The following ARID1B variants were observed in gnomAD, a reference collection of about 807,000 sequenced individuals.
ARID1B encodes AT-rich interactive domain-containing protein 1B.
In ARID1B, 30 loss-of-function variants were observed where a neutral mutation model predicts 212.3. That is an observed-to-expected ratio of 0.14 (90% CI 0.11 to 0.19). The LOEUF (loss-of-function observed/expected upper bound fraction) is 0.19. Among genes scored for constraint, ARID1B ranks in the 10% least tolerant of loss-of-function variants. The pLI, the probability that ARID1B is intolerant of heterozygous loss-of-function variation, is 1.00. For synonymous variants in ARID1B, 1,402 were observed against 1,301.7 expected (o/e 1.08, Z -1.66); for missense variants, 2,891 against 3,204.0 (o/e 0.90, Z 2.36).
At position 156,778,625 on chromosome 6, in the gene ARID1B, T is replaced by G; in HGVS notation, c.945T>G (p.Asn315Lys). Residue 315 changes from asparagine (N) to lysine (K), a missense_variant, in exon 1 of 20, where the codon AAT (asparagine) becomes AAG (lysine). Around this residue, in one of 7 missense-constraint regions of ARID1B, gnomAD observed 1,643 missense variants for 1,544.0 expected, o/e 1.06. Transcript: ENST00000636930. Reference sequence around the variant, plus strand: ...CGGCGGCCGTCCCGGAGTTTAATAATTACTATGGCAGCGCTGCCCCTGCGA... The same window carrying G: ...CGGCGGCCGTCCCGGAGTTTAATAAGTACTATGGCAGCGCTGCCCCTGCGA... ...GGPAAVPEFN[N>K]YYGSAAPASG... The G allele has an allele frequency of 7.3e-7, 1 of 1,362,872 alleles. No individual in the cohort carries two copies. 84.4% of individuals were successfully genotyped at this position (1,362,872 alleles called of 1,614,324 possible). A position where few individuals can be genotyped will look rare whatever the true frequency, so the allele number is the denominator to read the frequency against.
chr6:156,994,229 A>G (rs1778443514), intron 4 of ARID1B, among the ~76,000 whole-genome samples: 1 of 152,228 alleles, frequency 6.6e-6, no homozygotes, highest in African/African-American at 2.4e-5. Flanking sequence ...CAGTCCCTGT[A>G]GATCCTTGAA....
intron 4 of ARID1B, among the ~76,000 whole-genome samples, chr6:156,945,186 C>T (rs1483359257): frequency 3.6e-5 from 5 of 140,672 alleles, no homozygotes; most frequent in Non-Finnish European, 7.6e-5. Context: ...CCGCCCGCCT[C>T]TGCCACCCAA....
intron 8 of ARID1B, among the ~76,000 whole-genome samples, chr6:157,163,589 G>A (rs1791101888): frequency 6.6e-6 from 1 of 152,130 alleles, no homozygotes; most frequent in Non-Finnish European, 1.5e-5. Context: ...CCCTGGCCAC[G>A]TGTGGCCTGT....
chr6:157,020,965 A>G (rs1371809304), intron 4 of ARID1B, among the ~76,000 whole-genome samples: 1 of 152,238 alleles, frequency 6.6e-6, no homozygotes, highest in African/African-American at 2.4e-5. Flanking sequence ...CGATAAAGAA[A>G]TGAGAAATTC....
intron 1 of ARID1B, among the ~76,000 whole-genome samples, chr6:156,796,132 C>A (rs1780357278): frequency 6.6e-6 from 1 of 152,142 alleles, no homozygotes; most frequent in Non-Finnish European, 1.5e-5. Flanking sequence ...CCCTGTAATT[C>A]TGTTTTTAGC....
Position 156,778,292 on chromosome 6 carries a change from A to AGCAGCAGCAGCAGCAGCAGCAG in ARID1B, c.612_613insGCAGCAGCAGCAGCAGCAGCAG (p.Gln205AlafsTer117). The AGCAGCAGCAGCAGCAGCAGCAG allele has an allele frequency of 1.3e-6, 2 of 1,518,318 alleles. No individual in the cohort carries two copies. Among genetic ancestry groups the AGCAGCAGCAGCAGCAGCAGCAG allele is most frequent in the South Asian group, 2.4e-5 (2 of 83,290 alleles). The allele number at this position is 1,518,318 out of a possible 1,614,324, so 94.1% of individuals were successfully genotyped here. On this transcript the variant is annotated frameshift_variant, in exon 1 of 20. Coordinates refer to ENST00000636930, the MANE Select transcript of ARID1B (RefSeq NM_001374828.1). LOFTEE classifies it high-confidence loss of function. Reference sequence around the variant, plus strand: ...TCCAGCAGCAGCAGCAGCAGCAGCAACAGCAGCAGCAGCAGCAGCAGCAAC... The same window carrying AGCAGCAGCAGCAGCAGCAGCAG: ...TCCAGCAGCAGCAGCAGCAGCAGCAAGCAGCAGCAGCAGCAGCAGCAGCAGCAGCAGCAGCAGCAGCAGCAAC...
chr6:156,969,396 C>T (rs1776764658), intron 4 of ARID1B, among the ~76,000 whole-genome samples: 1 of 152,150 alleles, frequency 6.6e-6, no homozygotes, highest in Non-Finnish European at 1.5e-5. Flanking sequence ...ATTTGTACTG[C>T]AGGCTCTCCC....
At chr6:156,913,566 C>T (rs551489809) in intron 3 of ARID1B, among the ~76,000 whole-genome samples, 1 of 152,238 alleles carries the variant, frequency 6.6e-6, no homozygotes, top group Admixed American at 6.5e-5. Context: ...CCATGTTGTA[C>T]AACAGATCTC....
At chr6:156,796,209 G>T (rs1469719741) in intron 1 of ARID1B, among the ~76,000 whole-genome samples, 1 of 152,034 alleles carries the variant, frequency 6.6e-6, no homozygotes, top group Non-Finnish European at 1.5e-5. Flanking sequence ...TTGCTTTATT[G>T]TTTATGGTAA....
chr6:156,984,163 G>GT (rs1333294111), intron 4 of ARID1B, among the ~76,000 whole-genome samples: 1 of 152,158 alleles, frequency 6.6e-6, no homozygotes, highest in East Asian at 1.9e-4. Context: ...TCTCCAGGAG[G>GT]TATCAGGACA....
At chr6:156,938,182 T>C (rs1792407061) in intron 4 of ARID1B, 1 of 152,150 alleles carries the variant, frequency 6.6e-6, no homozygotes, top group Non-Finnish European at 1.5e-5. Context: ...CTTACAAATA[T>C]TTTAATTTAT....
intron 4 of ARID1B, among the ~76,000 whole-genome samples, chr6:157,062,617 G>A (rs767133403): frequency 4.6e-5 from 7 of 151,726 alleles, no homozygotes; most frequent in Non-Finnish European, 1.0e-4. Context: ...GGTCCGATGA[G>A]CACTCGCTAC....
intron 4 of ARID1B, among the ~76,000 whole-genome samples, chr6:157,012,774 T>A (rs1779691401): frequency 6.6e-6 from 1 of 152,254 alleles, no homozygotes; most frequent in South Asian, 2.1e-4. Context: ...GATCTATGAA[T>A]AATACTGCAG....
At chr6:156,946,718 G>A (rs1322537900) in intron 4 of ARID1B, among the ~76,000 whole-genome samples, 1 of 152,162 alleles carries the variant, frequency 6.6e-6, no homozygotes, top group Admixed American at 6.5e-5. Context: ...GAGGGAAGGA[G>A]GATAGATGCT....
intron 4 of ARID1B, among the ~76,000 whole-genome samples, chr6:156,969,233 T>C (rs1433356345): frequency 1.3e-5 from 2 of 152,160 alleles, no homozygotes; most frequent in Non-Finnish European, 2.9e-5. Context: ...CTCAGGAGAT[T>C]TGTGTTTGTG....
At chr6:156,852,476 T>A (rs964979838) in intron 2 of ARID1B, among the ~76,000 whole-genome samples, 2 of 147,982 alleles carry the variant, frequency 1.4e-5, no homozygotes, top group South Asian at 2.1e-4. Flanking sequence ...AAAAAAAAAA[T>A]TAAGAGCCAG....
intron 3 of ARID1B, among the ~76,000 whole-genome samples, chr6:156,911,058 A>G (rs1239323342): frequency 1.3e-5 from 2 of 152,258 alleles, no homozygotes; most frequent in Admixed American, 6.5e-5. Flanking sequence ...CTTGATGTAT[A>G]TGTGTGATCA....
chr6:157,063,571 T>C (rs1402054723), intron 4 of ARID1B, among the ~76,000 whole-genome samples: 4 of 152,152 alleles, frequency 2.6e-5, no homozygotes, highest in Admixed American at 1.3e-4. Context: ...AAGAATTGAG[T>C]GTGGAAGAAT....
At chr6:157,141,280 G>GA (rs1215185767) in intron 7 of ARID1B, 1 of 152,108 alleles carries the variant, frequency 6.6e-6, no homozygotes, top group Non-Finnish European at 1.5e-5. Context: ...AACATAAATG[G>GA]AAAAAAACTA....
Sources: gnomAD v4.1 joint callset for allele counts (sites outside exome capture counted in the v4.1 genomes callset) on GRCh38, gnomAD v4.1.1 for gene constraint, gnomAD v4.1.1 regional missense constraint, MANE v1.5 for transcripts, NCBI Gene and HGNC (gene_info 2026-07-23, HGNC 2026-07-21) for gene names.